NEGR1: variants seen among roughly 807,000 people sequenced by gnomAD.
NEGR1 encodes the protein IgLON family member 4.
Under a neutral mutation model 40.9 loss-of-function variants are expected in NEGR1, and 10 were observed. The ratio of observed to expected loss-of-function variants is 0.24; its 90% confidence interval spans 0.15 to 0.42. The LOEUF (loss-of-function observed/expected upper bound fraction) is 0.42. Ranked by LOEUF, NEGR1 falls within the 10% of genes least tolerant of loss-of-function variation. The pLI, the probability that NEGR1 is intolerant of heterozygous loss-of-function variation, is 1.00. For missense variants in NEGR1, 352 were observed against 438.9 expected (o/e 0.80, Z 1.77); for synonymous variants, 185 against 166.8 (o/e 1.11, Z -0.84).
intron 1 of NEGR1, among the ~76,000 whole-genome samples, chr1:72,121,212 T>C (rs1415133547): frequency 6.6e-6 from 1 of 152,010 alleles, no homozygotes; most frequent in Non-Finnish European, 1.5e-5. Context: ...AAAGCCAAAG[T>C]CAATCTTTTT....
At chr1:72,016,018 AT>A (rs1204063888) in intron 1 of NEGR1, among the ~76,000 whole-genome samples, 1 of 152,086 alleles carries the variant, frequency 6.6e-6, no homozygotes, top group African/African-American at 2.4e-5. Context: ...TTTTAAGTTA[AT>A]TTTTTCAATA....
intron 3 of NEGR1, among the ~76,000 whole-genome samples, chr1:71,720,877 C>A (rs1012091824): frequency 2.0e-5 from 3 of 152,084 alleles, no homozygotes; most frequent in Non-Finnish European, 4.4e-5. Flanking sequence ...TCTTTCACTA[C>A]AGAAAATCAA....
chr1:72,080,970 G>T (rs996962671), intron 1 of NEGR1, among the ~76,000 whole-genome samples: 62 of 152,074 alleles, frequency 4.1e-4, no homozygotes, highest in African/African-American at 1.3e-3. Context: ...TTGAGAGAGG[G>T]TATTTCAGCC....
chr1:71,939,045 T>C (rs1354503125), intron 1 of NEGR1, among the ~76,000 whole-genome samples: 1 of 152,170 alleles, frequency 6.6e-6, no homozygotes, highest in African/African-American at 2.4e-5. Context: ...GATGCTTTTC[T>C]GACTTTACCT....
intron 1 of NEGR1, among the ~76,000 whole-genome samples, chr1:72,013,749 T>G (rs1376198140): frequency 6.6e-6 from 1 of 151,812 alleles, no homozygotes; most frequent in Admixed American, 6.6e-5. Context: ...TTATTCTGGT[T>G]AGCTAGCTGA....
intron 6 of NEGR1, among the ~76,000 whole-genome samples, chr1:71,484,529 T>C (rs1398441104): frequency 6.6e-6 from 1 of 151,744 alleles, no homozygotes; most frequent in Non-Finnish European, 1.5e-5. Flanking sequence ...TAGAAAACAA[T>C]CTCAGACTAG....
chr1:71,738,693 A>T (rs1379493027), intron 3 of NEGR1, among the ~76,000 whole-genome samples: 1 of 152,024 alleles, frequency 6.6e-6, no homozygotes, highest in African/African-American at 2.4e-5. Context: ...GCGGGGAGCC[A>T]GGACAACCCC....
At chr1:72,255,682 C>G (rs1412108908) in intron 1 of NEGR1, among the ~76,000 whole-genome samples, 1 of 151,674 alleles carries the variant, frequency 6.6e-6, no homozygotes, top group Non-Finnish European at 1.5e-5. Context: ...CCCTGGGTAG[C>G]TGGGACTACA....
At chr1:72,053,446 T>C (rs1647081263) in intron 1 of NEGR1, among the ~76,000 whole-genome samples, 1 of 151,122 alleles carries the variant, frequency 6.6e-6, no homozygotes, top group African/African-American at 2.4e-5. Flanking sequence ...AATCTTAGCC[T>C]ATATATAGGA....
chr1:71,407,804 C>T (rs992469583), intron 6 of NEGR1: 14 of 441,194 alleles, frequency 3.2e-5, no homozygotes, highest in African/African-American at 2.6e-4. Context: ...GAATCCACCT[C>T]ACAGGGCTGT....
intron 2 of NEGR1, among the ~76,000 whole-genome samples, chr1:71,776,582 T>C (rs553024845): frequency 6.6e-6 from 1 of 152,322 alleles, no homozygotes; most frequent in South Asian, 2.1e-4. Flanking sequence ...ATGAGTAATT[T>C]GTGTTAAGTA....
intron 1 of NEGR1, among the ~76,000 whole-genome samples, chr1:72,088,796 C>CTTTTTTTTTTTTTTTTTT (rs71074816): frequency 1.6e-4 from 12 of 74,906 alleles, no homozygotes; most frequent in Non-Finnish European, 2.5e-4. Context: ...CTCTCTCTCT[C>CTTTTTTTTTTTTTTTTTT]TTTTTTTTTT....
intron 6 of NEGR1, among the ~76,000 whole-genome samples, chr1:71,527,624 TG>T (rs1371746121): frequency 8.6e-5 from 13 of 151,702 alleles, no homozygotes; most frequent in Admixed American, 8.6e-4. Flanking sequence ...TCACAATCTA[TG>T]AGATTCCTTT....
intron 2 of NEGR1, among the ~76,000 whole-genome samples, chr1:71,816,061 A>G (rs1186611535): frequency 6.6e-6 from 1 of 152,038 alleles, no homozygotes; most frequent in Non-Finnish European, 1.5e-5. Flanking sequence ...TTTTATCCCA[A>G]ATATCCCTTG....
At chr1:71,943,354 TATGTATATATAA>T (rs1290943849) in intron 1 of NEGR1, among the ~76,000 whole-genome samples, 1 of 150,878 alleles carries the variant, frequency 6.6e-6, no homozygotes, top group Non-Finnish European at 1.5e-5. Flanking sequence ...TATACATATA[TATGTATATATAA>T]CATTTTAAAT....
intron 4 of NEGR1, among the ~76,000 whole-genome samples, chr1:71,684,559 G>A (rs1652959269): frequency 1.3e-5 from 2 of 152,092 alleles, no homozygotes; most frequent in South Asian, 4.1e-4. Context: ...ATGTTTACTG[G>A]TATGGATTGT....
intron 1 of NEGR1, among the ~76,000 whole-genome samples, chr1:72,212,489 A>G (rs1653646033): frequency 6.6e-6 from 1 of 152,026 alleles, no homozygotes; most frequent in Admixed American, 6.6e-5. Flanking sequence ...AACAACAATC[A>G]AAGCCAAGAT....
chr1:71,814,437 G>C (rs1043962636), intron 2 of NEGR1, among the ~76,000 whole-genome samples: 3 of 152,072 alleles, frequency 2.0e-5, no homozygotes, highest in Non-Finnish European at 2.9e-5. Context: ...AAGTGAGTTA[G>C]AGAGAAGTCC....
At chr1:71,795,257 T>G (rs531776858) in intron 2 of NEGR1, among the ~76,000 whole-genome samples, 22 of 152,086 alleles carry the variant, frequency 1.4e-4, no homozygotes, top group African/African-American at 5.3e-4. Context: ...GATTTGAAAG[T>G]GTAGTCCTGA....
Sources: allele counts gnomAD v4.1 joint callset (sites outside exome capture counted in the v4.1 genomes callset), GRCh38; gene constraint gnomAD v4.1.1; transcripts MANE v1.5; gene names NCBI Gene and HGNC (gene_info 2026-07-23, HGNC 2026-07-21).